The following TULP4 variants were observed in gnomAD, a reference collection of about 807,000 sequenced individuals.
TULP4 encodes the protein tubby-related protein 4.
Under a neutral mutation model 129.0 loss-of-function variants are expected in TULP4, and 16 were observed. That is an observed-to-expected ratio of 0.12 (90% CI 0.08 to 0.19). The LOEUF (loss-of-function observed/expected upper bound fraction) is 0.19. Among genes scored for constraint, TULP4 ranks in the 10% least tolerant of loss-of-function variants. TULP4 has a pLI of 1.00. For missense variants in TULP4, 1,842 were observed against 2,059.1 expected (o/e 0.89, Z 2.04); for synonymous variants, 998 against 854.0 (o/e 1.17, Z -2.94).
chr6:158,460,583 T>C (rs1411673306), intron 5 of TULP4, among the ~76,000 whole-genome samples: 1 of 152,208 alleles, frequency 6.6e-6, no homozygotes, highest in Non-Finnish European at 1.5e-5. Context: ...ACTGAGTAGT[T>C]TGTAGGTGGG....
chr6:158,449,242 A>G, intron 4 of TULP4, 66 bp downstream of exon 4: 2 of 1,494,548 alleles, frequency 1.3e-6, no homozygotes, highest in Non-Finnish European at 1.8e-6. Context: ...GGAGCAGAGT[A>G]GACTGATGTG....
At chr6:158,323,647 A>G (rs1243146463) in intron 1 of TULP4, among the ~76,000 whole-genome samples, 1 of 152,218 alleles carries the variant, frequency 6.6e-6, no homozygotes, top group Non-Finnish European at 1.5e-5. Flanking sequence ...TTGGTGGAGA[A>G]AAGCCCTCCT....
rs1445913167 is a variant in TULP4 at position 158,510,521 on chromosome 6, A to C, written c.*3827A>C. 2.6e-5 allele frequency: 4 copies of C among 152,188 alleles called. No homozygotes were observed. The highest frequency in any genetic ancestry group is 7.2e-5 in the African/African-American group (3 of 41,442). The allele number at this position is 152,188 out of a possible 1,614,324, so 9.4% of individuals were successfully genotyped here. On this transcript the variant is annotated 3_prime_UTR_variant, in exon 14 of 14. Coordinates refer to ENST00000367097, the MANE Select transcript of TULP4 (RefSeq NM_020245.5). ...GAACAGCCTCATCATTCCACTTTTC[A>C]TGGGAAATATATTTCACACCATTGC... is the stretch of plus-strand genomic sequence containing the variant.
At chr6:158,309,691 C>T (rs1439003321), upstream of TULP4, among the ~76,000 whole-genome samples, 1 of 152,112 alleles carries the variant, frequency 6.6e-6, no homozygotes. Flanking sequence ...GAGCTGGAGA[C>T]CAGCCTGGCC....
In TULP4 at chr6:158,385,842, C is replaced by CTTTTTTT. The variant is rs778595442; in HGVS notation, c.253-27209_253-27203dup. ...GGAAAAGTCTACAAATGTGGAATATCTTTTTTTTTTTTTTTTTTTTGAGAA... is the reference window on the plus strand; with the variant it reads ...GGAAAAGTCTACAAATGTGGAATATCTTTTTTTTTTTTTTTTTTTTTTTTTTTGAGAA... On this transcript the variant is annotated intron_variant, in intron 1 of 13. Coordinates refer to ENST00000367097, the MANE Select transcript of TULP4 (RefSeq NM_020245.5). Among the ~76,000 whole-genome samples, 130 of 59,550 alleles carry CTTTTTTT rather than the reference C, an allele frequency of 2.2e-3. 16 individuals are homozygous for CTTTTTTT. Among genetic ancestry groups the CTTTTTTT allele is most frequent in the African/African-American group, 4.3e-3 (60 of 13,872 alleles). 39.1% of individuals were successfully genotyped at this position (59,550 alleles called of 152,430 possible).
intron 2 of TULP4, among the ~76,000 whole-genome samples, chr6:158,427,470 CCTTTTTTTTTTTTTTTTTTTTTTT>C (rs1316272806): frequency 2.0e-5 from 2 of 100,678 alleles, no homozygotes; most frequent in Non-Finnish European, 3.9e-5. Flanking sequence ...AATTATCAGA[CCTTTTTTTTTTTTTTTTTTTTTTT>C]TTTTTTTTTT....
rs1779858426 is a variant in TULP4, at chr6:158,330,689, T to A, written c.252+16421T>A. On this transcript the variant is annotated intron_variant, in intron 1 of 13. Coordinates refer to ENST00000367097, the MANE Select transcript of TULP4 (RefSeq NM_020245.5). ...TTAAATTATTCTCCATACTCCACTT[T>A]TGTCAACTGATGAACTATCCTCTGT... 3.9e-5 allele frequency among the ~76,000 whole-genome samples: 6 copies of A among 152,322 alleles called. 1 individual carries two copies. The South Asian group carries it at 1.2e-3, about 32-fold the overall frequency.
intron 1 of TULP4, among the ~76,000 whole-genome samples, chr6:158,344,781 G>C (rs925473314): frequency 6.6e-6 from 1 of 152,168 alleles, no homozygotes; most frequent in African/African-American, 2.4e-5. Flanking sequence ...AAGAATCACA[G>C]GTCTCTGACT....
chr6:158,235,339 C>T (rs751307641), intron 1 of TULP4, among the ~76,000 whole-genome samples: 12 of 152,200 alleles, frequency 7.9e-5, no homozygotes, highest in Non-Finnish European at 1.5e-4. Flanking sequence ...CCCCTCCCTG[C>T]AGCCCCTGGA....
chr6:158,307,597 T>C (rs1779239239), upstream of TULP4, among the ~76,000 whole-genome samples: 1 of 152,216 alleles, frequency 6.6e-6, no homozygotes, highest in Non-Finnish European at 1.5e-5. Context: ...TTGTCCTGCC[T>C]CAGCCTCCTG....
intron 11 of TULP4, 115 bp downstream of exon 11, chr6:158,494,961 C>T (rs1016479153): frequency 5.0e-5 from 39 of 778,016 alleles, no homozygotes; most frequent in Non-Finnish European, 8.0e-5. Flanking sequence ...AAAAGATTAG[C>T]ATGTATTTTA....
intron 3 of TULP4, among the ~76,000 whole-genome samples, chr6:158,432,443 C>T (rs2115067357): frequency 6.6e-6 from 1 of 152,312 alleles, no homozygotes; most frequent in Middle Eastern, 3.4e-3. Context: ...CTTCCTGCTT[C>T]CCTGAGAACT....
chr6:158,503,496 C>G lies in TULP4; in HGVS notation c.3833C>G (p.Thr1278Ser), dbSNP rs921610162. Residue 1278 changes from threonine (T) to serine (S), a missense_variant, in exon 13 of 14, where the codon ACT becomes AGT. Thr to Ser is a moderately conservative substitution (Grantham distance 58). Coordinates refer to ENST00000367097, the MANE Select transcript of TULP4 (RefSeq NM_020245.5). The surrounding 1 kb of genome is among the most constrained non-coding windows in gnomAD (Gnocchi z 4.3). ...CCGCCCATGCAGAACCCCCAGGGCACTCTCCCCCCAAAGCCACACTTGGTG... is the reference window on the plus strand; with the variant it reads ...CCGCCCATGCAGAACCCCCAGGGCAGTCTCCCCCCAAAGCCACACTTGGTG... The part of the protein sequence containing the change: ...ACPPMQNPQG[T>S]LPPKPHLVVE... 14 of 1,613,786 alleles carry G rather than the reference C, an allele frequency of 8.7e-6. No homozygotes were observed. The highest frequency in any genetic ancestry group is 1.6e-4 in the Middle Eastern group (1 of 6,080).
At chr6:158,450,192 C>T (rs527781730) in intron 4 of TULP4, among the ~76,000 whole-genome samples, 1 of 152,234 alleles carries the variant, frequency 6.6e-6, no homozygotes, top group South Asian at 2.1e-4. Flanking sequence ...GTCACACTGC[C>T]GCAGGCTTCT....
chr6:158,372,124 T>G (rs554299692), intron 1 of TULP4, among the ~76,000 whole-genome samples: 2 of 63,164 alleles, frequency 3.2e-5, no homozygotes, highest in Admixed American at 2.9e-4. Flanking sequence ...CATTTTCTAG[T>G]TTTTTTTTTT....
At chr6:158,475,426 A>G (rs1293153272) in intron 6 of TULP4, among the ~76,000 whole-genome samples, 1 of 152,240 alleles carries the variant, frequency 6.6e-6, no homozygotes, top group East Asian at 1.9e-4. Context: ...TTAAGATTTG[A>G]ATGTCATCTG....
chr6:158,391,659 A>G (rs1777587531), intron 1 of TULP4, among the ~76,000 whole-genome samples: 1 of 152,210 alleles, frequency 6.6e-6, no homozygotes, highest in Non-Finnish European at 1.5e-5. Context: ...AGGAGAATGA[A>G]TTGTGAATAG....
intron 2 of TULP4, among the ~76,000 whole-genome samples, chr6:158,422,498 G>A (rs1384493353): frequency 6.6e-6 from 1 of 152,134 alleles, no homozygotes; most frequent in Non-Finnish European, 1.5e-5. Flanking sequence ...CCAGTGAGTG[G>A]AGGAACACCA....
intron 1 of TULP4, among the ~76,000 whole-genome samples, chr6:158,288,657 C>T (rs1332852179): frequency 6.6e-5 from 10 of 152,162 alleles, no homozygotes; most frequent in Non-Finnish European, 1.0e-4. Flanking sequence ...CCCGCCACCA[C>T]GCCCAGCTAA....
Sources: gnomAD v4.1 joint callset for allele counts (sites outside exome capture counted in the v4.1 genomes callset) on GRCh38, gnomAD v4.1.1 for gene constraint, Gnocchi (gnomAD v3.1) non-coding constraint, MANE v1.5 for transcripts, NCBI Gene and HGNC (gene_info 2026-07-23, HGNC 2026-07-21) for gene names.